The following CFAP61 variants were observed in gnomAD, a reference collection of about 807,000 sequenced individuals.
CFAP61 encodes cilia- and flagella-associated protein 61.
CFAP61 carries 107 observed loss-of-function variants against 135.6 expected under a neutral mutation model. The ratio of observed to expected loss-of-function variants is 0.79; its 90% CI spans 0.67 to 0.93. CFAP61 has a LOEUF of 0.93. CFAP61 is among the 40% of genes least tolerant of loss of function. The pLI is 0.00. For missense variants in CFAP61, 1,507 were observed against 1,556.2 expected (o/e 0.97, Z 0.53); for synonymous variants, 575 against 578.5 (o/e 0.99, Z 0.09).
At chr20:20,358,524 A>G (rs542889016) in intron 26 of CFAP61, among the ~76,000 whole-genome samples, 1 of 152,322 alleles carries the variant, frequency 6.6e-6, no homozygotes, top group East Asian at 1.9e-4. Flanking sequence ...TAAGGAAGAA[A>G]GAGCCAACCT....
intron 26 of CFAP61, among the ~76,000 whole-genome samples, chr20:20,342,477 A>G (rs1052665510): frequency 6.6e-6 from 1 of 152,234 alleles, no homozygotes; most frequent in Admixed American, 6.5e-5. Context: ...TATTTGTGAA[A>G]CTTTAAGTTA....
intron 25 of CFAP61, among the ~76,000 whole-genome samples, chr20:20,319,878 T>C (rs947500111): frequency 3.9e-5 from 6 of 152,090 alleles, no homozygotes; most frequent in Non-Finnish European, 7.4e-5. Context: ...GCTGCTGATA[T>C]AGAAAAGGAG....
At chr20:20,320,719 A>G (rs1469443137) in intron 25 of CFAP61, among the ~76,000 whole-genome samples, 3 of 149,950 alleles carry the variant, frequency 2.0e-5, no homozygotes, top group African/African-American at 7.4e-5. Flanking sequence ...CATTATAGGT[A>G]TATTTCTAAC....
chr20:20,176,523 G>T (rs2054638515), intron 13 of CFAP61, among the ~76,000 whole-genome samples: 1 of 152,174 alleles, frequency 6.6e-6, no homozygotes, highest in African/African-American at 2.4e-5. Flanking sequence ...ATACTATGTA[G>T]CCATAGAAAG....
In CFAP61 at chr20:20,257,725, C is replaced by T. The variant is rs766950989; in HGVS notation, c.2329-5231C>T. The stretch of plus-strand genomic sequence containing the variant: ...ACCACAAACAATTTAAAAATGTAAT[C>T]TAAATAATTGTTGTAAATCTGAGAA... On this transcript the variant is annotated intron_variant, in intron 20 of 26. Transcript: ENST00000245957. Among the ~76,000 whole-genome samples the T allele has an allele frequency of 4.2e-4, 64 of 150,976 alleles. No homozygotes were observed. The Middle Eastern group carries it at 0.01, about 24-fold the overall frequency.
At chr20:20,100,658 G>A (rs954066373) in intron 8 of CFAP61, among the ~76,000 whole-genome samples, 2 of 152,160 alleles carry the variant, frequency 1.3e-5, no homozygotes, top group African/African-American at 4.8e-5. Flanking sequence ...TTGTAATGAA[G>A]AACAAGTTGA....
intron 25 of CFAP61, among the ~76,000 whole-genome samples, chr20:20,319,262 G>A (rs923425474): frequency 6.6e-6 from 1 of 152,150 alleles, no homozygotes; most frequent in Non-Finnish European, 1.5e-5. Flanking sequence ...GAATCAAACT[G>A]GTGTCAGATT....
chr20:20,270,568 C>G (rs1032206495), intron 21 of CFAP61, among the ~76,000 whole-genome samples: 1 of 152,064 alleles, frequency 6.6e-6, no homozygotes, highest in Non-Finnish European at 1.5e-5. Flanking sequence ...TACTTGTTTT[C>G]TAACTCCTGA....
intron 10 of CFAP61, among the ~76,000 whole-genome samples, chr20:20,163,824 C>T (rs971860136): frequency 1.3e-5 from 2 of 151,872 alleles, no homozygotes; most frequent in Non-Finnish European, 2.9e-5. Context: ...TCCCTGTGTC[C>T]ATGTGTTCTC....
chr20:20,327,770 A>G (rs1199069160), intron 25 of CFAP61, among the ~76,000 whole-genome samples: 1 of 117,880 alleles, frequency 8.5e-6, no homozygotes, highest in East Asian at 2.6e-4. Context: ...ACAGAGCAAG[A>G]GCCTGTCAAA....
At chr20:20,228,425 T>C (rs781302685) in intron 18 of CFAP61, 49 bp downstream of exon 18, 1 of 1,508,090 alleles carries the variant, frequency 6.6e-7, no homozygotes, top group Non-Finnish European at 9.2e-7. Context: ...TAATAAAAAT[T>C]ATCTTCCTAC....
chr20:20,068,651 A>G (rs769101983), intron 2 of CFAP61, among the ~76,000 whole-genome samples: 5 of 152,198 alleles, frequency 3.3e-5, no homozygotes, highest in Non-Finnish European at 7.4e-5. Flanking sequence ...AATGTTTCCC[A>G]AAGACGCCCG....
At chr20:20,225,997 C>T (rs1307305266) in intron 17 of CFAP61, 1 of 152,196 alleles carries the variant, frequency 6.6e-6, no homozygotes, top group East Asian at 1.9e-4. Context: ...AGAACATGCA[C>T]TTTTTCACCC....
chr20:20,093,884 C>G (rs972581835), intron 7 of CFAP61, among the ~76,000 whole-genome samples: 2 of 151,610 alleles, frequency 1.3e-5, no homozygotes, highest in African/African-American at 4.8e-5. Flanking sequence ...TTTGGACACT[C>G]ACTATGTTGC....
At position 20,246,201 on chromosome 20, in the gene CFAP61, A is replaced by C; in HGVS notation, c.2145A>C (p.Lys715Asn). The change falls in exon 19 of 27, where the codon AAA (lysine) becomes AAC (asparagine). Residue 715 changes from lysine (K) to asparagine (N), a missense_variant. Coordinates refer to ENST00000245957, the MANE Select transcript of CFAP61 (RefSeq NM_015585.4). ...AACTTCTGGACACTGAACAAAGGAA[A>C]TTTTTAGCCAGCGAGTATGAATTGT... is the stretch of plus-strand genomic sequence containing the variant. ...GKKLLDTEQR[K>N]FLASDHCFND... is the part of the protein sequence containing the mutation. The C allele has an allele frequency of 6.2e-7, 1 of 1,610,472 alleles. No homozygotes were observed. The highest frequency in any genetic ancestry group is 2.2e-5 in the East Asian group (1 of 44,854).
intron 8 of CFAP61, among the ~76,000 whole-genome samples, chr20:20,117,619 T>G (rs1373452439): frequency 6.6e-6 from 1 of 152,202 alleles, no homozygotes; most frequent in East Asian, 1.9e-4. Context: ...TCTGTTTCTA[T>G]GAAGAATGTC....
At chr20:20,350,148 T>A (rs1166305318) in intron 26 of CFAP61, among the ~76,000 whole-genome samples, 1 of 152,234 alleles carries the variant, frequency 6.6e-6, no homozygotes, top group Non-Finnish European at 1.5e-5. Context: ...GATACCACTT[T>A]ACAGCCACTG....
chr20:20,169,472 CAT>C lies in CFAP61; in HGVS notation c.1385+13_1385+14del, dbSNP rs1244546384. 6 of 1,589,532 alleles carry C rather than the reference CAT, an allele frequency of 3.8e-6. No individual in the cohort carries two copies. The highest frequency in any genetic ancestry group is 2.7e-5 in the African/African-American group (2 of 74,670). On this transcript the variant is annotated intron_variant, in intron 13 of 26. Coordinates refer to ENST00000245957, the MANE Select transcript of CFAP61 (RefSeq NM_015585.4). ...GCTGGATTGCTCAAGTGAGTAGACA[CAT>C]GTTTGGCCACACAACAATCCATGAA...
chr20:20,352,348 CAT>C (rs1249215211), intron 26 of CFAP61, among the ~76,000 whole-genome samples: 1 of 152,166 alleles, frequency 6.6e-6, no homozygotes, highest in African/African-American at 2.4e-5. Context: ...ATGAGGACAG[CAT>C]AGTTCTCAGC....
Sources: allele counts gnomAD v4.1 joint callset (sites outside exome capture counted in the v4.1 genomes callset), GRCh38; gene constraint gnomAD v4.1.1; transcripts MANE v1.5; gene names NCBI Gene and HGNC (gene_info 2026-07-23, HGNC 2026-07-21).